CAP2: variants seen among roughly 807,000 people sequenced by gnomAD.
The protein encoded by CAP2 is cyclase associated actin cytoskeleton regulatory protein 2, also known as adenylyl cyclase-associated protein 2.
CAP2 carries 24 observed loss-of-function variants against 57.7 expected under a neutral mutation model. The observed-to-expected ratio is 0.42, with a 90% CI of 0.30 to 0.58. The LOEUF is 0.58. CAP2 is among the 20% of genes least tolerant of loss of function. The pLI is 0.22. For synonymous variants in CAP2, 194 were observed against 207.2 expected, an observed-to-expected ratio of 0.94 and a Z score of 0.55; for missense variants, 501 against 590.3, an observed-to-expected ratio of 0.85 and a Z score of 1.57.
At chr6:17,547,677 TA>T (rs1376845678) in intron 11 of CAP2, among the ~76,000 whole-genome samples, 1 of 151,706 alleles carries the variant, frequency 6.6e-6, no homozygotes, top group Non-Finnish European at 1.5e-5. Context: ...CTGTCTCTAC[TA>T]AAAATACAAA....
chr6:17,416,829 A>T (rs1759287930), intron 1 of CAP2, among the ~76,000 whole-genome samples: 1 of 152,230 alleles, frequency 6.6e-6, no homozygotes, highest in Admixed American at 6.5e-5. Flanking sequence ...GCCATGGCTC[A>T]TGCCTATAAT....
At chr6:17,464,829 G>A (rs6909552) in intron 4 of CAP2, among the ~76,000 whole-genome samples, 14,340 of 152,268 alleles carry the variant, frequency 0.094, 967 homozygotes, top group Middle Eastern at 0.16. Flanking sequence ...AAATCACAAA[G>A]CGATGTGTTG....
chr6:17,507,039 A>T (rs1388680341), intron 4 of CAP2, 130 bp from the exon 5 acceptor site: 1 of 845,204 alleles, frequency 1.2e-6, no homozygotes, highest in African/African-American at 1.7e-5. Flanking sequence ...CTCAAAGATG[A>T]TTATATGTTT....
At chr6:17,546,999 C>A (rs541686642) in intron 11 of CAP2, among the ~76,000 whole-genome samples, 51 of 152,252 alleles carry the variant, frequency 3.3e-4, no homozygotes, top group African/African-American at 1.1e-3. Flanking sequence ...GATACAAAAT[C>A]AATGTGCAAA....
At chr6:17,470,210 T>C (rs1760983167) in intron 4 of CAP2, among the ~76,000 whole-genome samples, 1 of 152,184 alleles carries the variant, frequency 6.6e-6, no homozygotes, top group Non-Finnish European at 1.5e-5. Context: ...AACTTGGTAA[T>C]CCACTGACCC....
At chr6:17,404,097 G>A (rs1318451711) in intron 1 of CAP2, among the ~76,000 whole-genome samples, 1 of 152,092 alleles carries the variant, frequency 6.6e-6, no homozygotes, top group African/African-American at 2.4e-5. Context: ...GCTCAGTATT[G>A]GTAAATGAAC....
At chr6:17,407,804 C>CAAAAAAAAAAAAAAA (rs1759022997) in intron 1 of CAP2, among the ~76,000 whole-genome samples, 1 of 114,264 alleles carries the variant, frequency 8.8e-6, no homozygotes. Context: ...AAAAAAAAAT[C>CAAAAAAAAAAAAAAA]AAAGTCAAGT....
At chr6:17,516,460 GA>G (rs975282772) in intron 7 of CAP2, among the ~76,000 whole-genome samples, 3 of 152,150 alleles carry the variant, frequency 2.0e-5, no homozygotes, top group Admixed American at 6.5e-5. Flanking sequence ...GGACTTGAGG[GA>G]AAGGTTGGGA....
intron 7 of CAP2, among the ~76,000 whole-genome samples, chr6:17,523,043 T>C (rs1465956033): frequency 6.6e-6 from 1 of 152,182 alleles, no homozygotes; most frequent in East Asian, 1.9e-4. Flanking sequence ...CTGCATGGGT[T>C]CTTAAGCAGA....
At chr6:17,556,278 C>A in intron 12 of CAP2, 81 bp from the exon 13 acceptor site, 1 of 973,406 alleles carries the variant, frequency 1.0e-6, no homozygotes, top group Non-Finnish European at 1.6e-6. Context: ...ATCAGCCTCA[C>A]CATCTGTTTG....
chr6:17,498,823 G>C (rs985157697), intron 4 of CAP2, among the ~76,000 whole-genome samples: 8 of 151,954 alleles, frequency 5.3e-5, no homozygotes, highest in African/African-American at 1.9e-4. Flanking sequence ...CCGCCTCCTG[G>C]GTTCACGCCA....
chr6:17,423,384 C>G (rs1399373615), intron 2 of CAP2, among the ~76,000 whole-genome samples: 4 of 152,158 alleles, frequency 2.6e-5, no homozygotes, highest in Admixed American at 6.5e-5. Flanking sequence ...TGAGACACAT[C>G]TATGATTTCA....
intron 3 of CAP2, among the ~76,000 whole-genome samples, chr6:17,433,732 G>A (rs1581514035): frequency 6.6e-6 from 1 of 152,208 alleles, no homozygotes; most frequent in East Asian, 1.9e-4. Flanking sequence ...GTCTTCCCAA[G>A]AACGTGGAGA....
intron 1 of CAP2, among the ~76,000 whole-genome samples, chr6:17,416,127 A>T (rs1457642803): frequency 9.1e-6 from 1 of 109,638 alleles, no homozygotes; most frequent in African/African-American, 2.8e-5. Flanking sequence ...TTTTCATTTT[A>T]TGGTAACCGC....
intron 6 of CAP2, among the ~76,000 whole-genome samples, chr6:17,512,283 C>T (rs1350103864): frequency 4.0e-5 from 6 of 151,806 alleles, no homozygotes; most frequent in African/African-American, 1.5e-4. Context: ...GTAGTCCCAG[C>T]TACTTGGAAG....
intron 6 of CAP2, among the ~76,000 whole-genome samples, chr6:17,512,119 G>A (rs1028927785): frequency 6.6e-6 from 1 of 152,122 alleles, no homozygotes; most frequent in Non-Finnish European, 1.5e-5. Context: ...ATCAGACATG[G>A]TGGCTCATGC....
chr6:17,455,665 AGCTG>A (rs1489695821), intron 3 of CAP2, among the ~76,000 whole-genome samples: 1 of 151,754 alleles, frequency 6.6e-6, no homozygotes, highest in African/African-American at 2.4e-5. Flanking sequence ...CCTCCCAAGC[AGCTG>A]GGACTACAGG....
At chr6:17,436,553 C>T (rs1479688031) in intron 3 of CAP2, among the ~76,000 whole-genome samples, 1 of 152,106 alleles carries the variant, frequency 6.6e-6, no homozygotes, top group Non-Finnish European at 1.5e-5. Context: ...TCACTGCTAC[C>T]CCAAGGTTTG....
chr6:17,544,210 G>A (rs1048332134), intron 11 of CAP2, among the ~76,000 whole-genome samples: 15 of 151,820 alleles, frequency 9.9e-5, no homozygotes, highest in African/African-American at 3.4e-4. Flanking sequence ...CATAGTAGGC[G>A]TCCAGTAAAT....
Sources: allele counts gnomAD v4.1 joint callset (sites outside exome capture counted in the v4.1 genomes callset), GRCh38; gene constraint gnomAD v4.1.1; transcripts MANE v1.5; gene names NCBI Gene and HGNC (gene_info 2026-07-23, HGNC 2026-07-21).